KAZN: variants seen among roughly 807,000 people sequenced by gnomAD.
KAZN encodes kazrin.
In KAZN, 40 loss-of-function variants were observed where a neutral mutation model predicts 87.4. That is an observed-to-expected ratio of 0.46 (90% CI 0.36 to 0.60). The LOEUF is 0.60. Among genes scored for constraint, KAZN ranks in the 20% least tolerant of loss-of-function variants. The pLI, the probability that KAZN is intolerant of heterozygous loss-of-function variation, is 0.00. For synonymous variants in KAZN, 466 were observed against 458.3 expected (o/e 1.02, Z -0.22); for missense variants, 898 against 1,073.9 (o/e 0.84, Z 2.29).
intron 1 of KAZN, among the ~76,000 whole-genome samples, chr1:14,730,236 A>G (rs1419176013): frequency 6.6e-6 from 1 of 152,144 alleles, no homozygotes; most frequent in African/African-American, 2.4e-5. Context: ...GGCACGTGCC[A>G]CCATGCCCAG....
At chr1:14,538,405 T>TTA (rs1672621493) in intron 2 of KAZN, among the ~76,000 whole-genome samples, 1 of 152,200 alleles carries the variant, frequency 6.6e-6, no homozygotes, top group Non-Finnish European at 1.5e-5. Context: ...ACTGGGTAAT[T>TTA]TATAAAGAAT....
At chr1:14,593,687 C>A (rs765976265), upstream of KAZN, among the ~76,000 whole-genome samples, 1 of 151,922 alleles carries the variant, frequency 6.6e-6, no homozygotes, top group Non-Finnish European at 1.5e-5. Context: ...TGGCCATATA[C>A]GCTATGAAAT....
At chr1:14,386,785 A>G (rs1444386770) in intron 2 of KAZN, among the ~76,000 whole-genome samples, 2 of 151,754 alleles carry the variant, frequency 1.3e-5, no homozygotes, top group East Asian at 2.0e-4. Flanking sequence ...TCTGACAATT[A>G]TGTGTCTTGG....
intron 1 of KAZN, among the ~76,000 whole-genome samples, chr1:14,885,566 T>C (rs1653949832): frequency 6.6e-6 from 1 of 152,174 alleles, no homozygotes; most frequent in Non-Finnish European, 1.5e-5. Context: ...CAGGCTGGTC[T>C]TGAACTCCTA....
At chr1:14,392,043 T>G (rs1240285001) in intron 2 of KAZN, among the ~76,000 whole-genome samples, 2 of 151,230 alleles carry the variant, frequency 1.3e-5, no homozygotes, top group East Asian at 3.9e-4. Context: ...CCTTGGGAGC[T>G]GCCACTGATT....
At chr1:14,503,621 C>A (rs904613520) in intron 2 of KAZN, among the ~76,000 whole-genome samples, 2 of 150,896 alleles carry the variant, frequency 1.3e-5, no homozygotes, top group South Asian at 2.1e-4. Flanking sequence ...AATCCTCCAC[C>A]TGATTGACTT....
At chr1:14,957,006 G>A (rs535571808) in intron 1 of KAZN, among the ~76,000 whole-genome samples, 5 of 152,126 alleles carry the variant, frequency 3.3e-5, no homozygotes, top group South Asian at 4.1e-4. Context: ...CTGGAATGCC[G>A]CCAACTTCTC....
chr1:14,065,652 G>T (rs758979578), intron 1 of KAZN, among the ~76,000 whole-genome samples: 21 of 151,770 alleles, frequency 1.4e-4, no homozygotes, highest in Non-Finnish European at 2.1e-4. Flanking sequence ...ACTCCAGCAG[G>T]TTCCAATCCA....
At chr1:14,897,979 T>C (rs1222331417) in intron 1 of KAZN, among the ~76,000 whole-genome samples, 2 of 152,208 alleles carry the variant, frequency 1.3e-5, no homozygotes, top group Admixed American at 1.3e-4. Context: ...GAAACACCCA[T>C]GGTATCCAGT....
intron 2 of KAZN, among the ~76,000 whole-genome samples, chr1:14,237,726 G>C (rs1425005911): frequency 6.6e-6 from 1 of 151,886 alleles, no homozygotes; most frequent in Non-Finnish European, 1.5e-5. Flanking sequence ...ATATAAAGAT[G>C]AATGTTACAT....
intron 2 of KAZN, among the ~76,000 whole-genome samples, chr1:14,551,509 C>T (rs748698256): frequency 1.3e-5 from 2 of 152,178 alleles, no homozygotes; most frequent in Non-Finnish European, 1.5e-5. Context: ...GGTACAAAAG[C>T]ACTCAATAAA....
intron 1 of KAZN, among the ~76,000 whole-genome samples, chr1:14,057,323 C>T (rs1351895447): frequency 5.3e-5 from 8 of 151,914 alleles, no homozygotes; most frequent in Non-Finnish European, 1.0e-4. Flanking sequence ...TTAGTAGAGA[C>T]GGGGTTTCAC....
chr1:13,904,055 T>C (rs75590214), intron 1 of KAZN, among the ~76,000 whole-genome samples: 3,883 of 152,218 alleles, frequency 0.026, 146 homozygotes, highest in African/African-American at 0.088. Context: ...TGGAAAGGTC[T>C]ATTTGGAGAC....
intron 1 of KAZN, among the ~76,000 whole-genome samples, chr1:14,682,432 C>T (rs945258242): frequency 6.6e-6 from 1 of 151,964 alleles, no homozygotes; most frequent in Non-Finnish European, 1.5e-5. Flanking sequence ...GGACCACAGG[C>T]ATATACCACC....
intron 2 of KAZN, among the ~76,000 whole-genome samples, chr1:14,521,494 A>G (rs529365815): frequency 6.6e-6 from 1 of 152,288 alleles, no homozygotes; most frequent in Admixed American, 6.5e-5. Flanking sequence ...TGAAATGTGA[A>G]CCCTGTAATG....
intron 2 of KAZN, among the ~76,000 whole-genome samples, chr1:14,320,473 G>T (rs1471319340): frequency 6.6e-6 from 1 of 152,010 alleles, no homozygotes; most frequent in African/African-American, 2.4e-5. Context: ...GCTTCCAAAT[G>T]ATCACAGGGA....
At chr1:14,015,377 G>A (rs1025238117) in intron 1 of KAZN, among the ~76,000 whole-genome samples, 1 of 148,628 alleles carries the variant, frequency 6.7e-6, no homozygotes, top group South Asian at 2.1e-4. Flanking sequence ...TTCCCTCAGT[G>A]GACCTAGGCA....
intron 2 of KAZN, among the ~76,000 whole-genome samples, chr1:14,232,935 T>A (rs561401259): frequency 6.6e-6 from 1 of 152,230 alleles, no homozygotes; most frequent in East Asian, 1.9e-4. Flanking sequence ...GAAAGGTAAT[T>A]TAAAAGGATA....
At chr1:14,940,359 T>A (rs989695271) in intron 1 of KAZN, among the ~76,000 whole-genome samples, 1 of 152,188 alleles carries the variant, frequency 6.6e-6, no homozygotes, top group African/African-American at 2.4e-5. Context: ...CAAAAATTGA[T>A]CTCACAGTAG....
Sources: allele counts gnomAD v4.1 joint callset (sites outside exome capture counted in the v4.1 genomes callset), GRCh38; gene constraint gnomAD v4.1.1; transcripts MANE v1.5; gene names NCBI Gene and HGNC (gene_info 2026-07-23, HGNC 2026-07-21).